Variants in MINDY4B observed in about 807,000 individuals in gnomAD.
MINDY4B encodes inactive ubiquitin carboxyl-terminal hydrolase MINDY-4B.
In MINDY4B, 25 loss-of-function variants were observed where a neutral mutation model predicts 16.7. The ratio of observed to expected loss-of-function variants is 1.49; its 90% CI spans 1.09 to 2.09. The LOEUF is 2.09. Among genes scored for constraint, MINDY4B ranks in the 30% most tolerant of loss-of-function variants. MINDY4B has a pLI of 0.00. For synonymous variants in MINDY4B, 132 were observed against 61.9 expected (o/e 2.13, Z -5.32); for missense variants, 327 against 168.4 (o/e 1.94, Z -5.21).
intron 9 of MINDY4B, 94 bp downstream of exon 9, chr3:150,883,606 T>C (rs970005399): frequency 1.5e-6 from 1 of 658,388 alleles, no homozygotes; most frequent in African/African-American, 1.8e-5. Flanking sequence ...AATCCAAAAT[T>C]CAGATTGCTT....
chr3:150,877,974 A>G (rs1310616417), intron 10 of MINDY4B, among the ~76,000 whole-genome samples: 1 of 152,202 alleles, frequency 6.6e-6, no homozygotes, highest in Admixed American at 6.5e-5. Flanking sequence ...GAATGTAGAT[A>G]GAACTCGGTT....
chr3:150,878,554 G>C (rs1711500445), intron 10 of MINDY4B, among the ~76,000 whole-genome samples: 1 of 152,140 alleles, frequency 6.6e-6, no homozygotes. Context: ...ATCTCTCTGG[G>C]GAGAGAACAC....
intron 9 of MINDY4B, 38 bp downstream of exon 9, chr3:150,883,662 C>A: frequency 1.4e-6 from 1 of 698,870 alleles, no homozygotes; most frequent in African/African-American, 1.8e-5. Context: ...TCAACTAATT[C>A]AGATTCTACA....
At chr3:150,890,538 C>T in intron 6 of MINDY4B, 153 bp from the exon 7 acceptor site, 1 of 488,908 alleles carries the variant, frequency 2.0e-6, no homozygotes, top group East Asian at 3.1e-5. Context: ...CAAGGCCATG[C>T]AAAACATAAA....
intron 3 of MINDY4B, among the ~76,000 whole-genome samples, chr3:150,897,744 G>A (rs143781108): frequency 1.7e-3 from 256 of 152,316 alleles, no homozygotes; most frequent in African/African-American, 5.8e-3. Flanking sequence ...GGGTGAGCAA[G>A]GACCCACTTG....
chr3:150,873,358 T>A lies in MINDY4B; in HGVS notation c.1069A>T (p.Met357Leu), dbSNP rs752368523. ...ATAGGTAATTTGGGAGTCTTCAGCA[T>A]GCTGCCCACCTGGAAAGGGGAAGGG... ...EDDRLSQVGS[M>L]LKTPKLPIWL... The change falls in exon 11 of 12, where the codon ATG (methionine) becomes TTG (leucine). Residue 357 changes from methionine to leucine, a missense_variant. Coordinates refer to ENST00000465419, the MANE Select transcript of MINDY4B (RefSeq NM_001351281.2). The A allele has an allele frequency of 3.3e-5, 23 of 702,596 alleles. No homozygotes were observed. Among genetic ancestry groups the A allele is most frequent in the Non-Finnish European group, 4.9e-5 (19 of 384,802 alleles). 43.5% of individuals were successfully genotyped at this position (702,596 alleles called of 1,614,324 possible). A position where few individuals can be genotyped will look rare whatever the true frequency, so the allele number is the denominator to read the frequency against.
chr3:150,883,932 C>T (rs1002938925), intron 8 of MINDY4B, among the ~76,000 whole-genome samples, 160 bp from the exon 9 acceptor site: 3 of 152,166 alleles, frequency 2.0e-5, no homozygotes, highest in African/African-American at 7.2e-5. Context: ...GCCTCTAGAT[C>T]TGGGGTTGCA....
chr3:150,902,428 C>T (rs1712137635), intron 3 of MINDY4B, among the ~76,000 whole-genome samples: 3 of 152,166 alleles, frequency 2.0e-5, no homozygotes. Context: ...ATTATGATTT[C>T]AAGGGCTACA....
intron 7 of MINDY4B, 140 bp from the exon 8 acceptor site, chr3:150,885,578 A>G (rs2107901402): frequency 4.8e-6 from 3 of 631,266 alleles, no homozygotes; most frequent in Admixed American, 2.6e-5. Flanking sequence ...CTCTGCCTCC[A>G]TAAGTCTTCC....
chr3:150,896,324 T>C (rs1711966305), intron 3 of MINDY4B, among the ~76,000 whole-genome samples: 1 of 152,194 alleles, frequency 6.6e-6, no homozygotes, highest in Admixed American at 6.5e-5. Flanking sequence ...CTTTCCCTGG[T>C]GCCTCCCTGA....
At chr3:150,894,836 C>T (rs1711920064) in intron 3 of MINDY4B, among the ~76,000 whole-genome samples, 1 of 152,110 alleles carries the variant, frequency 6.6e-6, no homozygotes, top group Non-Finnish European at 1.5e-5. Context: ...TATTCAAAAT[C>T]AAAGACTGAT....
chr3:150,873,851 T>C (rs1717025965), intron 10 of MINDY4B, among the ~76,000 whole-genome samples: 1 of 152,018 alleles, frequency 6.6e-6, no homozygotes, highest in African/African-American at 2.4e-5. Context: ...ATTTAAGATA[T>C]ATAAAATAGC....
intron 5 of MINDY4B, among the ~76,000 whole-genome samples, chr3:150,891,686 C>G (rs1435006164): frequency 6.9e-6 from 1 of 144,656 alleles, no homozygotes; most frequent in African/African-American, 2.6e-5. Context: ...GGTTTGAACC[C>G]GGGAGTCAGA....
chr3:150,894,270 A>C lies in MINDY4B; in HGVS notation c.345T>G (p.His115Gln). The C allele has an allele frequency of 1.4e-6, 1 of 700,598 alleles. No homozygotes were observed. The highest frequency in any genetic ancestry group is 2.6e-6 in the Non-Finnish European group (1 of 384,344). 43.4% of individuals were successfully genotyped at this position (700,598 alleles called of 1,614,324 possible). ...CCTTTTTCCAGTTATAGCTAAAGAC[A>C]TGGACTGTGTTTCCAAACAGGATCT... ...LRQILFGNTV[H>Q]VFSYNWKKAY... The change falls in exon 4 of 12, where the codon CAT becomes CAG. Residue 115 changes from histidine to glutamine, a missense_variant. Coordinates refer to ENST00000465419, the MANE Select transcript of MINDY4B (RefSeq NM_001351281.2).
At chr3:150,894,521 C>T (rs1235693867) in intron 3 of MINDY4B, among the ~76,000 whole-genome samples, 3 of 152,224 alleles carry the variant, frequency 2.0e-5, no homozygotes, top group Non-Finnish European at 4.4e-5. Flanking sequence ...CTTTGCCAGG[C>T]ATCTACTTTG....
At chr3:150,882,746 C>A in intron 10 of MINDY4B, 151 bp downstream of exon 10, 1 of 419,772 alleles carries the variant, frequency 2.4e-6, no homozygotes, top group Admixed American at 4.2e-5. Context: ...TGGAAATTTC[C>A]CTGAATGTCT....
chr3:150,873,036 A>T, intron 11 of MINDY4B, 151 bp downstream of exon 11: 3 of 544,292 alleles, frequency 5.5e-6, no homozygotes, highest in Non-Finnish European at 9.8e-6. Flanking sequence ...GTTTAGGGCC[A>T]TGGGATTCAT....
chr3:150,877,125 T>A (rs1310178393), intron 10 of MINDY4B, among the ~76,000 whole-genome samples: 1 of 152,094 alleles, frequency 6.6e-6, no homozygotes, highest in Non-Finnish European at 1.5e-5. Context: ...TCTCTGCAAT[T>A]TTATCGCAGA....
intron 10 of MINDY4B, among the ~76,000 whole-genome samples, chr3:150,874,084 C>T (rs1361480148): frequency 2.2e-5 from 3 of 133,678 alleles, no homozygotes; most frequent in Non-Finnish European, 3.1e-5. Flanking sequence ...GGTGTGATCT[C>T]GGCTCACTGC....
Sources: allele counts gnomAD v4.1 joint callset (sites outside exome capture counted in the v4.1 genomes callset), GRCh38; gene constraint gnomAD v4.1.1; transcripts MANE v1.5; gene names NCBI Gene and HGNC (gene_info 2026-07-23, HGNC 2026-07-21).